LMX1B: variants seen among roughly 807,000 people sequenced by gnomAD.
LMX1B encodes LIM homeobox transcription factor 1 beta.
In LMX1B, 12 loss-of-function variants were observed where a neutral mutation model predicts 51.4. The observed-to-expected ratio is 0.23, with a 90% CI of 0.15 to 0.38. LMX1B has a LOEUF of 0.38. LMX1B is among the 10% of genes least tolerant of loss of function. LMX1B has a pLI of 1.00. For missense variants in LMX1B, 445 were observed against 571.1 expected (o/e 0.78, Z 2.25); for synonymous variants, 237 against 235.4 (o/e 1.01, Z -0.06).
chr9:126,675,311 G>T (rs564824284), intron 2 of LMX1B, among the ~76,000 whole-genome samples: 1 of 152,268 alleles, frequency 6.6e-6, no homozygotes, highest in East Asian at 1.9e-4. Context: ...CTCTGGGGAG[G>T]GGACCGATGG....
At position 126,614,412 on chromosome 9, in the gene LMX1B, A is replaced by G. The variant is rs1372985191; in HGVS notation, c.-38A>G. ...CGGGTGGACGGGCCGGCGGGCGAGC[A>G]GCCCGGCCGGCGGGGTCCGCAGCGC... On this transcript the variant is annotated 5_prime_UTR_variant, in exon 1 of 8. Transcript: ENST00000373474. 4 of 1,412,750 alleles carry G rather than the reference A, an allele frequency of 2.8e-6. No individual in the cohort carries two copies. The highest frequency in any genetic ancestry group is 3.7e-6 in the Non-Finnish European group (4 of 1,078,332). The allele number at this position is 1,412,750 out of a possible 1,614,324, so 87.5% of individuals were successfully genotyped here.
In LMX1B at chr9:126,693,814, T is replaced by A; in HGVS notation, c.886+2T>A. 1 of 1,292,918 alleles carries A rather than the reference T, an allele frequency of 7.7e-7. No individual in the cohort carries two copies. The highest frequency in any genetic ancestry group is 1.1e-6 in the Non-Finnish European group (1 of 924,244). 80.1% of individuals were successfully genotyped at this position (1,292,918 alleles called of 1,614,324 possible). A position where few individuals can be genotyped will look rare whatever the true frequency, so the allele number is the denominator to read the frequency against. ...AGAACTCCCAGCGGCTGGGCCAGGG[T>A]GAGCCGGGGCCGGGGCAGGGCCTGG... On this transcript the variant is annotated splice_donor_variant, in intron 6 of 7. Coordinates refer to ENST00000373474, the MANE Select transcript of LMX1B (RefSeq NM_001174147.2). LOFTEE classifies it high-confidence loss of function.
At chr9:126,684,734 T>C (rs899476454) in intron 2 of LMX1B, among the ~76,000 whole-genome samples, 6 of 151,814 alleles carry the variant, frequency 4.0e-5, no homozygotes, top group African/African-American at 1.5e-4. Context: ...AGTCACTTAG[T>C]ACAAACATGG....
chr9:126,621,341 C>G (rs1023643746), intron 2 of LMX1B, among the ~76,000 whole-genome samples: 1 of 152,222 alleles, frequency 6.6e-6, no homozygotes, highest in African/African-American at 2.4e-5. Context: ...CTGACCCAGC[C>G]GGAAGTTCCT....
At chr9:126,616,633 T>C (rs1363555486) in intron 2 of LMX1B, among the ~76,000 whole-genome samples, 1 of 152,184 alleles carries the variant, frequency 6.6e-6, no homozygotes, top group African/African-American at 2.4e-5. Flanking sequence ...TTAGGTGGTT[T>C]GGTGCTCAGA....
At position 126,697,837 on chromosome 9, in the gene LMX1B, CTGTTTTGTTTTGTTT is replaced by C. The variant is rs59836255; in HGVS notation, c.*1427_*1441del. The C allele has an allele frequency of 0.051, 7,559 of 147,826 alleles. 209 individuals are homozygous for C. Among genetic ancestry groups the C allele is most frequent in the Non-Finnish European group, 0.066 (4,445 of 67,766 alleles). The allele number at this position is 147,826 out of a possible 1,614,324, so 9.2% of individuals were successfully genotyped here. ...TGTATATGCAGGATGGGGGCACCTA[CTGTTTTGTTTTGTTT>C]TGTTTTGTTTTGTTTTGTTTTGTTT... is the stretch of plus-strand genomic sequence containing the variant. On this transcript the variant is annotated 3_prime_UTR_variant, in exon 8 of 8. Transcript: ENST00000373474.
At chr9:126,654,562 TAGA>T (rs1483734258) in intron 2 of LMX1B, among the ~76,000 whole-genome samples, 1 of 152,154 alleles carries the variant, frequency 6.6e-6, no homozygotes, top group Non-Finnish European at 1.5e-5. Flanking sequence ...CTGGAGCAGG[TAGA>T]AGGAGAGACT....
intron 2 of LMX1B, among the ~76,000 whole-genome samples, chr9:126,654,700 C>G (rs142675450): frequency 1.2e-4 from 18 of 152,326 alleles, no homozygotes; most frequent in African/African-American, 4.1e-4. Context: ...GAGAAGGAAA[C>G]GAGGAGCAAC....
intron 2 of LMX1B, among the ~76,000 whole-genome samples, chr9:126,621,887 G>C (rs1386496414): frequency 6.6e-6 from 1 of 152,110 alleles, no homozygotes; most frequent in South Asian, 2.1e-4. Context: ...GGGCCACTGT[G>C]CTCGGAATGG....
intron 2 of LMX1B, among the ~76,000 whole-genome samples, chr9:126,653,713 C>T (rs1374008566): frequency 6.6e-6 from 1 of 152,186 alleles, no homozygotes; most frequent in Non-Finnish European, 1.5e-5. Flanking sequence ...AGGATCCCTC[C>T]TGTTGCCCTT....
chr9:126,629,928 G>A (rs1194263939), intron 2 of LMX1B, among the ~76,000 whole-genome samples: 2 of 151,886 alleles, frequency 1.3e-5, no homozygotes, highest in Non-Finnish European at 2.9e-5. Flanking sequence ...GGTGGATCAT[G>A]AGGTCAGGAG....
intron 2 of LMX1B, among the ~76,000 whole-genome samples, chr9:126,685,113 G>A (rs1000968589): frequency 6.6e-6 from 1 of 152,214 alleles, no homozygotes; most frequent in Non-Finnish European, 1.5e-5. Context: ...TAACTGGAGA[G>A]TGGCTGGGAT....
chr9:126,695,744 TG>T lies in LMX1B; in HGVS notation c.887-91del. ...ACAGCTTCAGCCAGAGTGGGGTGCCTGGGGAGTCCCAAGGAGATCAGAAGGG... is the reference window on the plus strand; with the variant it reads ...ACAGCTTCAGCCAGAGTGGGGTGCCTGGGAGTCCCAAGGAGATCAGAAGGG... On this transcript the variant is annotated intron_variant, in intron 6 of 7. Coordinates refer to ENST00000373474, the MANE Select transcript of LMX1B (RefSeq NM_001174147.2). The surrounding 1 kb of genome is among the most constrained non-coding windows in gnomAD (Gnocchi z 5.2). 1 of 1,443,832 alleles carries T rather than the reference TG, an allele frequency of 6.9e-7. No individual in the cohort carries two copies. Among genetic ancestry groups the T allele is most frequent in the Non-Finnish European group, 9.6e-7 (1 of 1,043,760 alleles). The allele number at this position is 1,443,832 out of a possible 1,614,324, so 89.4% of individuals were successfully genotyped here. A position where few individuals can be genotyped will look rare whatever the true frequency, so the allele number is the denominator to read the frequency against.
At chr9:126,693,344 GGGGCTCAGGCTGATGCCC>G in intron 4 of LMX1B, 21 bp downstream of exon 4, 1 of 1,581,470 alleles carries the variant, frequency 6.3e-7, no homozygotes, top group South Asian at 1.1e-5. Context: ...GCCGGGGGGC[GGGGCTCAGGCTGATGCCC>G]GCACACCCAC....
intron 2 of LMX1B, among the ~76,000 whole-genome samples, chr9:126,621,416 T>A (rs1835407409): frequency 2.6e-5 from 4 of 152,176 alleles, no homozygotes; most frequent in African/African-American, 7.2e-5. Context: ...TTATATATAT[T>A]TATTACCACT....
rs1195692113 is a variant in LMX1B at position 126,671,916 on chromosome 9, C to T, written c.327-18920C>T. Among the ~76,000 whole-genome samples, 2 of 152,252 alleles carry T rather than the reference C, an allele frequency of 1.3e-5. No individual in the cohort carries two copies. The highest frequency in any genetic ancestry group is 3.8e-4 in the East Asian group (2 of 5,198). On this transcript the variant is annotated intron_variant, in intron 2 of 7. Transcript: ENST00000373474. The surrounding 1 kb of genome is among the most constrained non-coding windows in gnomAD (Gnocchi z 4.4). ...ATAGAGGTCGGCATTCTCCACCACC[C>T]CCTTCTCCTGGACTGGGGCTTCCAA...
At chr9:126,676,835 C>T (rs112502620) in intron 2 of LMX1B, among the ~76,000 whole-genome samples, 2 of 152,154 alleles carry the variant, frequency 1.3e-5, no homozygotes, top group Non-Finnish European at 2.9e-5. Flanking sequence ...AGAACTGCTG[C>T]GGGCGAGGGG....
intron 2 of LMX1B, among the ~76,000 whole-genome samples, chr9:126,637,170 G>T (rs1277528785): frequency 6.6e-6 from 1 of 152,228 alleles, no homozygotes; most frequent in Non-Finnish European, 1.5e-5. Flanking sequence ...GGCAGTGGTG[G>T]GCGGTGGCAC....
At chr9:126,693,367 A>G (rs1161432676) in intron 4 of LMX1B, 44 bp downstream of exon 4, 6 of 1,570,526 alleles carry the variant, frequency 3.8e-6, no homozygotes, top group Non-Finnish European at 5.2e-6. Context: ...ATGCCCGCAC[A>G]CCCACTGCCT....
Sources: gnomAD v4.1 joint callset for allele counts (sites outside exome capture counted in the v4.1 genomes callset) on GRCh38, gnomAD v4.1.1 for gene constraint, Gnocchi (gnomAD v3.1) non-coding constraint, MANE v1.5 for transcripts, NCBI Gene and HGNC (gene_info 2026-07-23, HGNC 2026-07-21) for gene names.